PLCE1: variants seen among roughly 807,000 people sequenced by gnomAD.
PLCE1 encodes 1-phosphatidylinositol 4,5-bisphosphate phosphodiesterase epsilon-1.
PLCE1 carries 119 observed loss-of-function variants against 242.8 expected under a neutral mutation model. The ratio of observed to expected loss-of-function variants is 0.49; its 90% CI spans 0.42 to 0.57. The LOEUF (loss-of-function observed/expected upper bound fraction) is 0.57. Ranked by LOEUF, PLCE1 falls within the 20% of genes least tolerant of loss-of-function variation. The probability of loss-of-function intolerance (pLI) is 0.00; values close to 1 mark genes in which losing one functional copy is unlikely to be tolerated. For synonymous variants in PLCE1, 945 were observed against 1,017.4 expected, an observed-to-expected ratio of 0.93 and a Z score of 1.35; for missense variants, 2,441 against 2,788.8, an observed-to-expected ratio of 0.88 and a Z score of 2.81.
intron 3 of PLCE1, among the ~76,000 whole-genome samples, chr10:94,155,257 CA>C (rs2047394593): frequency 1.3e-5 from 2 of 152,154 alleles, no homozygotes; most frequent in South Asian, 4.1e-4. Context: ...GATGAATAAA[CA>C]AAATGTGGTA....
At chr10:94,325,331 G>A (rs2053970836) in intron 32 of PLCE1, 2 of 440,794 alleles carry the variant, frequency 4.5e-6, no homozygotes, top group Non-Finnish European at 8.4e-6. Flanking sequence ...GGGCGTGGTG[G>A]CGCATGCCTG....
chr10:94,046,990 TA>T (rs1244129756), intron 2 of PLCE1, among the ~76,000 whole-genome samples: 7 of 152,226 alleles, frequency 4.6e-5, no homozygotes, highest in Admixed American at 3.9e-4. Flanking sequence ...AAAATTTTGT[TA>T]TTTTTTTATA....
chr10:94,284,730 C>G lies in PLCE1; in HGVS notation c.4918-118C>G, dbSNP rs2052375108. On this transcript the variant is annotated intron_variant, in intron 21 of 32. Transcript: ENST00000371380. ...GTTGGGACATGTATATGGATAATTA[C>G]CATGCAAGGGGAAATACAGTAATAA... The G allele has an allele frequency of 9.8e-6, 7 of 717,148 alleles. No homozygotes were observed. In the South Asian group the frequency reaches 1.1e-4, roughly 11 times the overall value. 44.4% of individuals were successfully genotyped at this position (717,148 alleles called of 1,614,324 possible). A position where few individuals can be genotyped will look rare whatever the true frequency, so the allele number is the denominator to read the frequency against.
At chr10:94,220,814 G>T (rs2049715558) in intron 4 of PLCE1, among the ~76,000 whole-genome samples, 1 of 152,100 alleles carries the variant, frequency 6.6e-6, no homozygotes, top group African/African-American at 2.4e-5. Flanking sequence ...ACTGAAAAGG[G>T]AATTAGGGCT....
At chr10:94,064,697 T>A (rs371435376) in intron 2 of PLCE1, among the ~76,000 whole-genome samples, 1 of 152,310 alleles carries the variant, frequency 6.6e-6, no homozygotes, top group South Asian at 2.1e-4. Context: ...CATGTGGATT[T>A]GTTAAGATTA....
In PLCE1 at chr10:94,171,126, G is replaced by T. The variant is rs929261778; in HGVS notation, c.1493-54G>T. 16 of 1,405,608 alleles carry T rather than the reference G, an allele frequency of 1.1e-5. No individual in the cohort carries two copies. In the East Asian group the frequency reaches 3.6e-4, roughly 32 times the overall value. The allele number at this position is 1,405,608 out of a possible 1,614,324, so 87.1% of individuals were successfully genotyped here. A position where few individuals can be genotyped will look rare whatever the true frequency, so the allele number is the denominator to read the frequency against. ...TGGAATGGCTCTCAAGTAAATATCT[G>T]TTGCAGGGGACACCAGATTTGATGT... On this transcript the variant is annotated intron_variant, in intron 3 of 32. Transcript: ENST00000371380.
At chr10:94,183,038 T>A (rs1051233491) in intron 4 of PLCE1, among the ~76,000 whole-genome samples, 5 of 152,208 alleles carry the variant, frequency 3.3e-5, no homozygotes, top group African/African-American at 9.6e-5. Context: ...CTTAAATGAC[T>A]CTGAACACTG....
intron 4 of PLCE1, among the ~76,000 whole-genome samples, chr10:94,207,013 C>A (rs186576255): frequency 8.7e-4 from 133 of 152,330 alleles, no homozygotes; most frequent in African/African-American, 2.9e-3. Context: ...AATTTACTTT[C>A]ACTTTCATAA....
At chr10:94,149,950 G>A (rs1310980867) in intron 3 of PLCE1, among the ~76,000 whole-genome samples, 1 of 152,122 alleles carries the variant, frequency 6.6e-6, no homozygotes, top group Non-Finnish European at 1.5e-5. Flanking sequence ...ATTTATATCT[G>A]TAACTGTAGA....
chr10:94,313,192 CAA>C, intron 27 of PLCE1, 60 bp from the exon 28 acceptor site: 1 of 1,598,008 alleles, frequency 6.3e-7, no homozygotes, highest in South Asian at 1.1e-5. Flanking sequence ...ACCTCTGTAT[CAA>C]ATAGAGCTTA....
intron 2 of PLCE1, chr10:94,121,055 T>C (rs1310316851): frequency 1.3e-5 from 2 of 152,226 alleles, no homozygotes; most frequent in Non-Finnish European, 2.9e-5. Context: ...AACTCTGATA[T>C]TGACCAAGAG....
At chr10:94,012,301 T>C (rs1295351710) in intron 1 of PLCE1, among the ~76,000 whole-genome samples, 1 of 151,808 alleles carries the variant, frequency 6.6e-6, no homozygotes, top group African/African-American at 2.4e-5. Context: ...CACATGCCTA[T>C]GGAATTCTGC....
chr10:94,000,782 G>C (rs972389056), intron 1 of PLCE1, among the ~76,000 whole-genome samples: 1 of 152,188 alleles, frequency 6.6e-6, no homozygotes, highest in African/African-American at 2.4e-5. Context: ...CCACTGAGCT[G>C]CCTCTCATGG....
At chr10:94,251,903 G>A (rs1378865688) in intron 8 of PLCE1, among the ~76,000 whole-genome samples, 1 of 152,112 alleles carries the variant, frequency 6.6e-6, no homozygotes, top group African/African-American at 2.4e-5. Flanking sequence ...AAACCTACCT[G>A]GCAATAATGG....
At chr10:94,217,516 T>G (rs557482389) in intron 4 of PLCE1, among the ~76,000 whole-genome samples, 1 of 152,344 alleles carries the variant, frequency 6.6e-6, no homozygotes, top group South Asian at 2.1e-4. Flanking sequence ...CTGCATGAGA[T>G]GAGGCTTACT....
At chr10:94,320,561 G>GGTTA (rs541989801) in intron 29 of PLCE1, among the ~76,000 whole-genome samples, 1 of 152,134 alleles carries the variant, frequency 6.6e-6, no homozygotes, top group East Asian at 1.9e-4. Flanking sequence ...GGATTCTTCT[G>GGTTA]GTTAGTTAGT....
chr10:94,154,067 A>T (rs1015673731), intron 3 of PLCE1, among the ~76,000 whole-genome samples: 2 of 152,236 alleles, frequency 1.3e-5, no homozygotes, highest in Non-Finnish European at 2.9e-5. Flanking sequence ...CTTATTTCAA[A>T]ACTTACTACA....
At chr10:94,280,616 C>T (rs1225253255) in intron 20 of PLCE1, 1 of 152,296 alleles carries the variant, frequency 6.6e-6, no homozygotes, top group Admixed American at 6.5e-5. Context: ...TAGACTGTTT[C>T]ATTTTGGTGA....
chr10:94,117,927 TC>T (rs905258746), intron 2 of PLCE1, among the ~76,000 whole-genome samples: 2 of 152,220 alleles, frequency 1.3e-5, no homozygotes, highest in African/African-American at 4.8e-5. Flanking sequence ...ATACCATTAT[TC>T]TGTATATAAT....
Sources: gnomAD v4.1 joint callset for allele counts (sites outside exome capture counted in the v4.1 genomes callset) on GRCh38, gnomAD v4.1.1 for gene constraint, MANE v1.5 for transcripts, NCBI Gene and HGNC (gene_info 2026-07-23, HGNC 2026-07-21) for gene names.